CDKL4: variants seen among roughly 807,000 people sequenced by gnomAD.
CDKL4 encodes cyclin dependent kinase like 4, also known as cyclin-dependent kinase-like 4.
Under a neutral mutation model 42.0 loss-of-function variants are expected in CDKL4, and 44 were observed. The observed-to-expected ratio is 1.05, with a 90% confidence interval of 0.82 to 1.35. The LOEUF is 1.35. CDKL4 is among the 40% of genes most tolerant of loss of function. CDKL4 has a pLI of 0.00. For synonymous variants in CDKL4, 120 were observed against 121.6 expected, an observed-to-expected ratio of 0.99 and a Z score of 0.09; for missense variants, 393 against 369.9, an observed-to-expected ratio of 1.06 and a Z score of -0.51.
the CDKL4 span, among the ~76,000 whole-genome samples, chr2:39,169,035 G>A: frequency 5.9e-5 from 9 of 152,082 alleles, no homozygotes; most frequent in Non-Finnish European, 8.8e-5. Context: ...GATTACAGGC[G>A]TGAGCCACTG....
chr2:39,183,775 G>A (rs1478956798), intron 8 of CDKL4, among the ~76,000 whole-genome samples: 10 of 152,170 alleles, frequency 6.6e-5, no homozygotes. Context: ...CTGAGGTCAG[G>A]TGGAGCAATG....
chr2:39,233,769 T>TG (rs1166302287), intron 1 of CDKL4, among the ~76,000 whole-genome samples: 1 of 150,920 alleles, frequency 6.6e-6, no homozygotes, highest in Admixed American at 6.6e-5. Flanking sequence ...AAAAGAAAAC[T>TG]AACACAAACA....
the CDKL4 span, among the ~76,000 whole-genome samples, chr2:39,168,760 G>C: frequency 6.9e-6 from 1 of 144,836 alleles, no homozygotes; most frequent in East Asian, 2.1e-4. Flanking sequence ...TTGTTTTTTT[G>C]TTTGTTTGTT....
chr2:39,188,377 A>G (rs1472965946), intron 6 of CDKL4, among the ~76,000 whole-genome samples: 2 of 151,878 alleles, frequency 1.3e-5, no homozygotes, highest in Admixed American at 1.3e-4. Context: ...CCTGGCCAAC[A>G]TGGTGAAACC....
chr2:39,188,560 C>CAAAAAAAAA (rs34568815), intron 6 of CDKL4, among the ~76,000 whole-genome samples: 9 of 45,268 alleles, frequency 2.0e-4, no homozygotes, highest in East Asian at 1.7e-3. Flanking sequence ...CAGTCCGTCT[C>CAAAAAAAAA]AAAAAAAAAA....
At chr2:39,201,325 T>C (rs1173706296) in intron 5 of CDKL4, among the ~76,000 whole-genome samples, 1 of 144,244 alleles carries the variant, frequency 6.9e-6, no homozygotes, top group East Asian at 2.0e-4. Context: ...AAACTACAGA[T>C]GTTGGCATGG....
chr2:39,204,493 G>A (rs1459182393), intron 5 of CDKL4, 34 bp downstream of exon 5: 1 of 1,140,102 alleles, frequency 8.8e-7, no homozygotes. Flanking sequence ...ATCATCATCT[G>A]AACTGGGTAT....
intron 3 of CDKL4, among the ~76,000 whole-genome samples, chr2:39,221,955 A>T (rs1205465055): frequency 6.6e-6 from 1 of 152,216 alleles, no homozygotes; most frequent in Non-Finnish European, 1.5e-5. Flanking sequence ...TGTTACTTTG[A>T]ATATCTGTCT....
chr2:39,237,749 A>G (rs370899550), intron 1 of CDKL4, among the ~76,000 whole-genome samples: 4 of 152,194 alleles, frequency 2.6e-5, no homozygotes, highest in East Asian at 1.9e-4. Flanking sequence ...TTTTTAAAAA[A>G]GAAAATAAAA....
chr2:39,174,452 A>G (rs978886514), downstream of CDKL4, among the ~76,000 whole-genome samples: 2 of 152,030 alleles, frequency 1.3e-5, no homozygotes, highest in African/African-American at 4.8e-5. Context: ...AGATGTCATA[A>G]TTCCTTATTA....
chr2:39,187,539 C>T lies in CDKL4; in HGVS notation c.735+88G>A, dbSNP rs1247027505. ...CAGCCTTGGTGACAGAGTGAGACAT[C>T]ATCTCAAAATAAATAAATAAATAAC... On this transcript the variant is annotated intron_variant, in intron 7 of 9. Coordinates refer to ENST00000451199, the Ensembl canonical transcript of CDKL4. 4.3e-6 allele frequency: 4 copies of T among 929,686 alleles called. No individual in the cohort carries two copies. In the East Asian group the frequency reaches 1.1e-4, roughly 25 times the overall value. 57.6% of individuals were successfully genotyped at this position (929,686 alleles called of 1,614,324 possible).
chr2:39,190,220 T>C lies in CDKL4; in HGVS notation c.652+85A>G. 4 of 949,744 alleles carry C rather than the reference T, an allele frequency of 4.2e-6. No homozygotes were observed. In the South Asian group the frequency reaches 9.6e-5, roughly 23 times the overall value. The allele number at this position is 949,744 out of a possible 1,614,324, so 58.8% of individuals were successfully genotyped here. A position where few individuals can be genotyped will look rare whatever the true frequency, so the allele number is the denominator to read the frequency against. ...GAAGCAATAAAACTCTTGTTTTTTA[T>C]TTTTATTTATTTATTTTTTATTATA... is the stretch of plus-strand genomic sequence containing the variant. On this transcript the variant is annotated intron_variant, in intron 6 of 9. Transcript: ENST00000451199.
chr2:39,225,764 A>T, intron 3 of CDKL4, 75 bp downstream of exon 3: 1 of 1,434,814 alleles, frequency 7.0e-7, no homozygotes, highest in Non-Finnish European at 9.4e-7. Flanking sequence ...GGGATTTGAA[A>T]TTTGCCATGG....
At chr2:39,176,519 C>A (rs1316121935) in intron 9 of CDKL4, among the ~76,000 whole-genome samples, 1 of 152,228 alleles carries the variant, frequency 6.6e-6, no homozygotes, top group Non-Finnish European at 1.5e-5. Context: ...ACTGCAACCT[C>A]TGCCTCCAGA....
chr2:39,180,004 G>A (rs2148280010), intron 8 of CDKL4, among the ~76,000 whole-genome samples: 1 of 152,224 alleles, frequency 6.6e-6, no homozygotes, highest in East Asian at 1.9e-4. Context: ...CACAGCAGAG[G>A]GGTCAGTGGG....
chr2:39,178,617 T>G lies in CDKL4; in HGVS notation c.927+570A>C, dbSNP rs1177561566. 3.8e-6 allele frequency: 6 copies of G among 1,566,294 alleles called. No homozygotes were observed. The East Asian group carries it at 1.4e-4, about 37-fold the overall frequency. On this transcript the variant is annotated intron_variant, in intron 9 of 9. Transcript: ENST00000451199. The stretch of plus-strand genomic sequence containing the variant: ...CACCTGATAAACTGCAGAATTAATG[T>G]TTGTCATAACAGTCACCATACTGTT...
At chr2:39,176,856 A>G (rs957570228) in intron 9 of CDKL4, among the ~76,000 whole-genome samples, 3 of 152,164 alleles carry the variant, frequency 2.0e-5, no homozygotes, top group Non-Finnish European at 2.9e-5. Context: ...TTTCTGTAAC[A>G]TTTATTTTCT....
intron 5 of CDKL4, among the ~76,000 whole-genome samples, chr2:39,198,823 A>G (rs1385532102): frequency 6.6e-6 from 1 of 152,186 alleles, no homozygotes; most frequent in African/African-American, 2.4e-5. Flanking sequence ...AACCTCTGGG[A>G]TACAGCAAAG....
downstream of CDKL4, among the ~76,000 whole-genome samples, chr2:39,173,347 C>G (rs761542466): frequency 2.0e-5 from 3 of 152,128 alleles, no homozygotes; most frequent in Non-Finnish European, 4.4e-5. Context: ...TCTTTTTTCT[C>G]ATTTTCTTTG....
Sources: gnomAD v4.1 joint callset for allele counts (sites outside exome capture counted in the v4.1 genomes callset) on GRCh38, gnomAD v4.1.1 for gene constraint, MANE v1.5 for transcripts, NCBI Gene and HGNC (gene_info 2026-07-23, HGNC 2026-07-21) for gene names.